CTDSP1: variants seen among roughly 807,000 people sequenced by gnomAD.
CTDSP1 encodes the protein CTD small phosphatase 1.
A neutral mutation model predicts 32.5 loss-of-function variants in CTDSP1; 15 were observed. The ratio of observed to expected loss-of-function variants is 0.46; its 90% CI spans 0.31 to 0.71. The LOEUF is 0.71. Among genes scored for constraint, CTDSP1 ranks in the 30% least tolerant of loss-of-function variants. CTDSP1 has a pLI of 0.05. For missense variants in CTDSP1, 294 were observed against 351.1 expected (o/e 0.84, Z 1.30); for synonymous variants, 185 against 145.4 (o/e 1.27, Z -1.96).
Position 218,403,357 on chromosome 2 carries a change from G to T in CTDSP1, c.597G>T (p.Leu199=). 1.2e-6 allele frequency: 2 copies of T among 1,613,584 alleles called. No homozygotes were observed. The highest frequency in any genetic ancestry group is 1.7e-6 in the Non-Finnish European group (2 of 1,179,836). ...VKDLSRLGRD[L]RRVLILDNSP... ...ACCTGAGCCGGTTGGGTCGAGACCT[G>T]CGGCGGGTGCTCATCCTGGACAATT... is the stretch of plus-strand genomic sequence containing the variant. Residue 199 remains leucine (L), a synonymous_variant, in exon 6 of 7, where the codon CTG becomes CTT. Transcript: ENST00000273062.
Position 218,403,333 on chromosome 2 carries a change from C to A in CTDSP1, c.573C>A (p.Asp191Glu). ...CVFHRGNYVK[D>E]LSRLGRDLRR... Reference sequence around the variant, plus strand: ...TCCACCGGGGGAACTACGTGAAGGACCTGAGCCGGTTGGGTCGAGACCTGC... The same window carrying A: ...TCCACCGGGGGAACTACGTGAAGGAACTGAGCCGGTTGGGTCGAGACCTGC... Residue 191 changes from aspartate to glutamate, a missense_variant, in exon 6 of 7, where the codon GAC becomes GAA. Asp to Glu is a conservative substitution (Grantham distance 45). Around this residue, in one of 2 missense-constraint regions of CTDSP1, gnomAD observed 146 missense variants for 237.7 expected, o/e 0.61. Transcript: ENST00000273062. The A allele has an allele frequency of 6.2e-7, 1 of 1,614,126 alleles. No individual in the cohort carries two copies. The highest frequency in any genetic ancestry group is 8.5e-7 in the Non-Finnish European group (1 of 1,180,012).
At chr2:218,397,109 C>T (rs906757084), upstream of CTDSP1, among the ~76,000 whole-genome samples, 1 of 152,068 alleles carries the variant, frequency 6.6e-6, no homozygotes, top group Non-Finnish European at 1.5e-5. Flanking sequence ...AGACCTGAAG[C>T]TTTCTGGGGA....
intron 2 of CTDSP1, 109 bp from the exon 3 acceptor site, chr2:218,402,002 G>A: frequency 2.5e-6 from 2 of 807,900 alleles, no homozygotes; most frequent in Non-Finnish European, 4.1e-6. Flanking sequence ...GGAAGTATCT[G>A]TTCCTGGGGC....
upstream of CTDSP1, among the ~76,000 whole-genome samples, chr2:218,397,462 G>A (rs969276725): frequency 7.2e-5 from 11 of 152,248 alleles, no homozygotes; most frequent in African/African-American, 2.6e-4. Flanking sequence ...CTTTGTGCAC[G>A]GCTCCCCGCC....
At chr2:218,398,124 G>T (rs1201051036), upstream of CTDSP1, 1 of 460,598 alleles carries the variant, frequency 2.2e-6, no homozygotes, top group Admixed American at 3.8e-5. Flanking sequence ...CTCGCCACAC[G>T]CTTCCTTTTG....
rs1574802496 is a variant in CTDSP1, at chr2:218,404,642, A to C, written c.*217A>C. 7 of 526,092 alleles carry C rather than the reference A, an allele frequency of 1.3e-5. No homozygotes were observed. Among genetic ancestry groups the C allele is most frequent in the South Asian group, 5.7e-5 (2 of 35,180 alleles). The allele number at this position is 526,092 out of a possible 1,614,324, so 32.6% of individuals were successfully genotyped here. On this transcript the variant is annotated 3_prime_UTR_variant, in exon 7 of 7. Transcript: ENST00000273062. ...CCAGGCCCCGTGTCAGTGCCTTCAA[A>C]CCTCCTCCCCTATTCTCAGGGGACC...
upstream of CTDSP1, among the ~76,000 whole-genome samples, chr2:218,397,290 C>T (rs1213367339): frequency 6.6e-6 from 1 of 152,176 alleles, no homozygotes; most frequent in Non-Finnish European, 1.5e-5. Flanking sequence ...TTAGAGCTGC[C>T]CCCATTCCCC....
At chr2:218,398,613 C>T, upstream of CTDSP1, 4 of 538,610 alleles carry the variant, frequency 7.4e-6, no homozygotes, top group Non-Finnish European at 1.2e-5. Flanking sequence ...CCCCGGCTCC[C>T]CCTCGGCAGG....
Position 218,403,145 on chromosome 2 carries a change from C to T in CTDSP1, c.471+18C>T. 6.2e-7 allele frequency: 1 copy of T among 1,613,676 alleles called. No homozygotes were observed. Among genetic ancestry groups the T allele is most frequent in the Non-Finnish European group, 8.5e-7 (1 of 1,179,728 alleles). On this transcript the variant is annotated intron_variant, in intron 5 of 6. Transcript: ENST00000273062. ...TCGCCAAGGTGAGCCCCACAGGGGT[C>T]CCGGGGCAACCCTGCCCTCCTACCT...
chr2:218,405,566 T>A lies in CTDSP1; in HGVS notation c.*1141T>A, dbSNP rs1163094223. Reference sequence around the variant, plus strand: ...GGACCTTCTGTGGGGTTTGGGGATCTCCAGGAAGCCCGACCAAGCTGTCCC... The same window carrying A: ...GGACCTTCTGTGGGGTTTGGGGATCACCAGGAAGCCCGACCAAGCTGTCCC... On this transcript the variant is annotated 3_prime_UTR_variant, in exon 7 of 7. Transcript: ENST00000273062. 1.3e-5 allele frequency: 2 copies of A among 152,988 alleles called. No individual in the cohort carries two copies. Among genetic ancestry groups the A allele is most frequent in the African/African-American group, 2.4e-5 (1 of 41,426 alleles). The allele number at this position is 152,988 out of a possible 1,614,324, so 9.5% of individuals were successfully genotyped here.
intron 6 of CTDSP1, 96 bp from the exon 7 acceptor site, chr2:218,404,201 A>G (rs1697301179): frequency 1.4e-6 from 2 of 1,463,660 alleles, no homozygotes; most frequent in Non-Finnish European, 1.9e-6. Flanking sequence ...GTTTTCAGAA[A>G]CTGCATGATC....
At chr2:218,401,853 C>A in intron 2 of CTDSP1, 141 bp downstream of exon 2, 1 of 824,326 alleles carries the variant, frequency 1.2e-6, no homozygotes, top group Non-Finnish European at 1.8e-6. Context: ...GCCTCCCCTG[C>A]CAGGCCCTGC....
chr2:218,400,912 G>T (rs757982052), intron 1 of CTDSP1: 2 of 454,578 alleles, frequency 4.4e-6, no homozygotes, highest in South Asian at 3.1e-5. Flanking sequence ...GCCCACCCTC[G>T]CCTGGGTCTG....
chr2:218,402,037 G>A (rs1338760827), intron 2 of CTDSP1, 74 bp from the exon 3 acceptor site: 2 of 1,050,522 alleles, frequency 1.9e-6, no homozygotes, highest in Admixed American at 2.0e-5. Context: ...GAGACGGCTA[G>A]GGGGAGAAGC....
upstream of CTDSP1, among the ~76,000 whole-genome samples, chr2:218,397,219 G>A (rs985765835): frequency 6.6e-6 from 1 of 152,228 alleles, no homozygotes; most frequent in Non-Finnish European, 1.5e-5. Context: ...CAGGACCTGG[G>A]CAAAGGGCTA....
At chr2:218,399,538 A>C (rs1386205433), upstream of CTDSP1, 1 of 159,360 alleles carries the variant, frequency 6.3e-6, no homozygotes, top group Non-Finnish European at 1.3e-5. Flanking sequence ...GTCTTCAGAA[A>C]ACGCAGAGGT....
chr2:218,403,983 C>T (rs933558222), intron 6 of CTDSP1, among the ~76,000 whole-genome samples: 10 of 152,146 alleles, frequency 6.6e-5, no homozygotes, highest in African/African-American at 2.4e-4. Flanking sequence ...TCACTTGAGC[C>T]CTGGAGGCAG....
intron 6 of CTDSP1, 94 bp downstream of exon 6, chr2:218,403,511 G>A (rs1425113431): frequency 1.6e-6 from 2 of 1,213,644 alleles, no homozygotes; most frequent in Non-Finnish European, 1.1e-6. Flanking sequence ...ATCCCCAGTT[G>A]GGGGGTGGGT....
chr2:218,401,532 C>A (rs1476891734), intron 1 of CTDSP1, 32 bp from the exon 2 acceptor site: 1 of 1,611,698 alleles, frequency 6.2e-7, no homozygotes, highest in Admixed American at 1.7e-5. Context: ...CCAGTGTGCA[C>A]CGAGCCTCCA....
Sources: allele counts gnomAD v4.1 joint callset (sites outside exome capture counted in the v4.1 genomes callset), GRCh38; gene constraint gnomAD v4.1.1; regional missense constraint gnomAD v4.1.1; transcripts MANE v1.5; gene names NCBI Gene and HGNC (gene_info 2026-07-23, HGNC 2026-07-21).